PREX2: variants seen among roughly 807,000 people sequenced by gnomAD.
PREX2 encodes phosphatidylinositol-3,4,5-trisphosphate dependent Rac exchange factor 2.
Under a neutral mutation model 203.2 loss-of-function variants are expected in PREX2, and 107 were observed. The observed-to-expected ratio is 0.53, with a 90% confidence interval of 0.45 to 0.62. PREX2 has a LOEUF of 0.62. Among genes scored for constraint, PREX2 ranks in the 20% least tolerant of loss-of-function variants. The pLI is 0.00. For missense variants in PREX2, 1,777 were observed against 1,955.9 expected (o/e 0.91, Z 1.72); for synonymous variants, 672 against 663.6 (o/e 1.01, Z -0.19).
At chr8:68,156,422 A>G (rs1447476423) in intron 34 of PREX2, among the ~76,000 whole-genome samples, 6 of 152,116 alleles carry the variant, frequency 3.9e-5, no homozygotes, top group African/African-American at 9.7e-5. Context: ...ATATGTACAT[A>G]TATGTGTCAT....
intron 1 of PREX2, among the ~76,000 whole-genome samples, chr8:67,956,835 TA>T (rs1805505029): frequency 6.6e-6 from 1 of 152,250 alleles, no homozygotes. Flanking sequence ...TGTCTTGTCA[TA>T]AACCAAATAT....
chr8:67,962,807 CA>C (rs1384800098), intron 1 of PREX2, among the ~76,000 whole-genome samples: 4 of 151,798 alleles, frequency 2.6e-5, no homozygotes, highest in African/African-American at 7.3e-5. Context: ...GGGGTTTCAC[CA>C]CGTTGGCCAG....
chr8:68,096,379 A>G (rs553835490), intron 21 of PREX2, among the ~76,000 whole-genome samples: 1 of 152,266 alleles, frequency 6.6e-6, no homozygotes, highest in Admixed American at 6.5e-5. Flanking sequence ...TTTAATTACT[A>G]TTAGGTTTCC....
rs569056547 is a variant in PREX2, at chr8:68,124,258, A to G, written c.3725-3120A>G. Among the ~76,000 whole-genome samples, 9 of 152,266 alleles carry G rather than the reference A, an allele frequency of 5.9e-5. No individual in the cohort carries two copies. In the South Asian group the frequency reaches 1.9e-3, roughly 32 times the overall value. On this transcript the variant is annotated intron_variant, in intron 30 of 39. Coordinates refer to ENST00000288368, the MANE Select transcript of PREX2 (RefSeq NM_024870.4). The stretch of plus-strand genomic sequence containing the variant: ...CAGCTCAAATGCCCATCAGTGGTAG[A>G]CTGGATAAAGAAAATGTGGTACCTG...
At position 68,047,469 on chromosome 8, in the gene PREX2, TTATATATATATATA is replaced by T. The variant is rs3056653; in HGVS notation, c.943+2904_943+2917del. On this transcript the variant is annotated intron_variant, in intron 8 of 39. Coordinates refer to ENST00000288368, the MANE Select transcript of PREX2 (RefSeq NM_024870.4). The stretch of plus-strand genomic sequence containing the variant: ...GTTATAAATAATAAAATGGATGAAT[TTATATATATATATA>T]TATATATATATATATATATATATAC... Among the ~76,000 whole-genome samples the T allele has an allele frequency of 9.6e-3, 1,128 of 117,600 alleles. 20 individuals carry two copies. Among genetic ancestry groups the T allele is most frequent in the African/African-American group, 0.027 (846 of 30,934 alleles). The allele number at this position is 117,600 out of a possible 152,430, so 77.2% of individuals were successfully genotyped here. A position where few individuals can be genotyped will look rare whatever the true frequency, so the allele number is the denominator to read the frequency against.
intron 4 of PREX2, among the ~76,000 whole-genome samples, chr8:68,025,008 T>G (rs1229397262): frequency 6.6e-6 from 1 of 152,010 alleles, no homozygotes; most frequent in Non-Finnish European, 1.5e-5. Flanking sequence ...TGTTATAAAC[T>G]TCACAACACA....
chr8:68,076,685 T>TCACA (rs57701553), intron 14 of PREX2, among the ~76,000 whole-genome samples: 14,909 of 143,526 alleles, frequency 0.1, 896 homozygotes, highest in East Asian at 0.21. Flanking sequence ...AACTCTAAGG[T>TCACA]CACACACACA....
intron 31 of PREX2, among the ~76,000 whole-genome samples, chr8:68,131,588 A>G (rs1032019971): frequency 3.9e-5 from 6 of 152,210 alleles, no homozygotes; most frequent in Admixed American, 3.3e-4. Flanking sequence ...GTTAATTGCA[A>G]TCAGTTCTGA....
chr8:68,119,522 C>A lies in PREX2; in HGVS notation c.3504+8C>A, dbSNP rs371659289. ...GAGCATCTTTTCAGCCAGGTACAATCGGGCATTTGTGGGGCTTTTGTTCCA... is the reference window on the plus strand; with the variant it reads ...GAGCATCTTTTCAGCCAGGTACAATAGGGCATTTGTGGGGCTTTTGTTCCA... On this transcript the variant is annotated splice_region_variant and intron_variant, in intron 28 of 39. Transcript: ENST00000288368. 1 of 1,606,616 alleles carries A rather than the reference C, an allele frequency of 6.2e-7. No homozygotes were observed. The highest frequency in any genetic ancestry group is 8.5e-7 in the Non-Finnish European group (1 of 1,173,622).
intron 7 of PREX2, 130 bp downstream of exon 7, chr8:68,038,422 C>T: frequency 1.1e-6 from 1 of 888,092 alleles, no homozygotes; most frequent in Non-Finnish European, 1.7e-6. Flanking sequence ...GCCCATCATC[C>T]ATCAGTGCAT....
At chr8:68,145,674 G>C (rs773153625) in intron 33 of PREX2, among the ~76,000 whole-genome samples, 3 of 151,988 alleles carry the variant, frequency 2.0e-5, no homozygotes, top group Non-Finnish European at 2.9e-5. Context: ...TTAAATTTAG[G>C]ATCTTTGAAA....
chr8:68,068,237 A>C (rs939085615), intron 11 of PREX2, among the ~76,000 whole-genome samples: 2 of 151,804 alleles, frequency 1.3e-5, no homozygotes, highest in Non-Finnish European at 2.9e-5. Flanking sequence ...TTTATCTTTT[A>C]TTTTTGGAAG....
At chr8:68,056,104 A>G in intron 10 of PREX2, 130 bp downstream of exon 10, 2 of 857,876 alleles carry the variant, frequency 2.3e-6, no homozygotes, top group Non-Finnish European at 3.6e-6. Flanking sequence ...TACAGTTGCC[A>G]TTTCCTGGGC....
chr8:67,980,806 T>C (rs1806245068), intron 1 of PREX2, among the ~76,000 whole-genome samples: 1 of 152,240 alleles, frequency 6.6e-6, no homozygotes, highest in African/African-American at 2.4e-5. Flanking sequence ...AAGGACCTGT[T>C]TGCTTTGCCT....
chr8:68,066,578 A>T (rs1809022014), intron 11 of PREX2, among the ~76,000 whole-genome samples: 1 of 151,898 alleles, frequency 6.6e-6, no homozygotes, highest in African/African-American at 2.4e-5. Context: ...TATTTTTGGT[A>T]TTGCATTGAA....
chr8:68,092,993 C>A (rs78035947), intron 20 of PREX2, among the ~76,000 whole-genome samples: 1 of 152,016 alleles, frequency 6.6e-6, no homozygotes, highest in Non-Finnish European at 1.5e-5. Context: ...AACTTACTTA[C>A]GATATACTTG....
At chr8:67,996,347 C>T (rs1334343062) in intron 1 of PREX2, among the ~76,000 whole-genome samples, 2 of 151,504 alleles carry the variant, frequency 1.3e-5, no homozygotes, top group Non-Finnish European at 3.0e-5. Context: ...AGTCATGCAC[C>T]ACCATGCCTG....
intron 23 of PREX2, chr8:68,103,606 A>G (rs1311824618): frequency 3.9e-6 from 2 of 518,796 alleles, no homozygotes; most frequent in African/African-American, 1.9e-5. Context: ...CACCTTCATT[A>G]CCCTCAACAC....
At chr8:68,198,698 G>A (rs1812445979) in intron 37 of PREX2, among the ~76,000 whole-genome samples, 1 of 152,164 alleles carries the variant, frequency 6.6e-6, no homozygotes. Flanking sequence ...TCCTTAGCCA[G>A]TAGGAACAAG....
Sources: allele counts gnomAD v4.1 joint callset (sites outside exome capture counted in the v4.1 genomes callset), GRCh38; gene constraint gnomAD v4.1.1; transcripts MANE v1.5; gene names NCBI Gene and HGNC (gene_info 2026-07-23, HGNC 2026-07-21).